Variants in GALNTL6 observed in about 807,000 individuals in gnomAD.
The protein encoded by GALNTL6 is polypeptide N-acetylgalactosaminyltransferase-like 6.
Under a neutral mutation model 73.7 loss-of-function variants are expected in GALNTL6, and 46 were observed. The ratio of observed to expected loss-of-function variants is 0.62; its 90% confidence interval spans 0.49 to 0.80. The LOEUF is 0.80. Ranked by LOEUF, GALNTL6 falls within the 30% of genes least tolerant of loss-of-function variation. The pLI, the probability that GALNTL6 is intolerant of heterozygous loss-of-function variation, is 0.00. For synonymous variants in GALNTL6, 259 were observed against 263.7 expected, an observed-to-expected ratio of 0.98 and a Z score of 0.17; for missense variants, 604 against 755.0, an observed-to-expected ratio of 0.80 and a Z score of 2.34.
At chr4:172,405,439 ATATATTTTTTTTTTT>A (rs1465569059) in intron 5 of GALNTL6, among the ~76,000 whole-genome samples, 4 of 2,140 alleles carry the variant, frequency 1.9e-3, no homozygotes, top group African/African-American at 2.9e-3. Flanking sequence ...ATATATATAT[ATATATTTTTTTTTTT>A]TTTTTTTTTT....
chr4:171,937,298 T>C (rs944760024), intron 2 of GALNTL6, among the ~76,000 whole-genome samples: 2 of 152,148 alleles, frequency 1.3e-5, no homozygotes, highest in Non-Finnish European at 2.9e-5. Flanking sequence ...GAGAATTACA[T>C]CTCAGAAATT....
chr4:172,934,324 T>C (rs541621717), intron 9 of GALNTL6, among the ~76,000 whole-genome samples: 4 of 152,094 alleles, frequency 2.6e-5, no homozygotes, highest in Non-Finnish European at 5.9e-5. Context: ...CTGACTAATA[T>C]TTCACCCAGC....
intron 2 of GALNTL6, among the ~76,000 whole-genome samples, chr4:172,199,381 A>G (rs1221587761): frequency 6.6e-6 from 1 of 152,250 alleles, no homozygotes; most frequent in Non-Finnish European, 1.5e-5. Context: ...GATCAAATAT[A>G]TAACATGATA....
intron 5 of GALNTL6, among the ~76,000 whole-genome samples, chr4:172,483,866 G>T (rs1046219944): frequency 3.9e-5 from 6 of 152,144 alleles, no homozygotes; most frequent in Non-Finnish European, 8.8e-5. Context: ...TAGAAAGGTG[G>T]ATGAAAATAA....
At chr4:171,827,842 G>C (rs1219640318) in intron 2 of GALNTL6, among the ~76,000 whole-genome samples, 1 of 151,834 alleles carries the variant, frequency 6.6e-6, no homozygotes, top group Non-Finnish European at 1.5e-5. Flanking sequence ...GAACTGCATA[G>C]GTACACTTAC....
intron 5 of GALNTL6, among the ~76,000 whole-genome samples, chr4:172,608,487 A>G (rs1738393177): frequency 6.6e-6 from 1 of 152,066 alleles, no homozygotes; most frequent in Non-Finnish European, 1.5e-5. Flanking sequence ...CCATTGGTCT[A>G]TATGTCTGTT....
chr4:171,845,825 T>A (rs1278924361), intron 2 of GALNTL6, among the ~76,000 whole-genome samples: 5 of 152,186 alleles, frequency 3.3e-5, no homozygotes, highest in Non-Finnish European at 5.9e-5. Flanking sequence ...TTGAGGTTTC[T>A]TTGTGACAAC....
At chr4:172,841,530 AAAG>A (rs1743205275) in intron 7 of GALNTL6, among the ~76,000 whole-genome samples, 1 of 152,222 alleles carries the variant, frequency 6.6e-6, no homozygotes, top group Admixed American at 6.5e-5. Flanking sequence ...TTTATAAAGA[AAAG>A]AAGTTTAATT....
chr4:172,705,984 C>A (rs1371442753), intron 5 of GALNTL6, among the ~76,000 whole-genome samples: 1 of 151,832 alleles, frequency 6.6e-6, no homozygotes, highest in Non-Finnish European at 1.5e-5. Flanking sequence ...TGATCTTTGA[C>A]CTTACTATAC....
At chr4:172,593,253 T>C (rs538648703) in intron 5 of GALNTL6, among the ~76,000 whole-genome samples, 3 of 152,208 alleles carry the variant, frequency 2.0e-5, no homozygotes, top group African/African-American at 4.8e-5. Context: ...TCCATAATCT[T>C]GTTTGTTACC....
At chr4:171,985,637 GT>G (rs1405015225) in intron 2 of GALNTL6, among the ~76,000 whole-genome samples, 1 of 152,018 alleles carries the variant, frequency 6.6e-6, no homozygotes, top group Non-Finnish European at 1.5e-5. Context: ...CCCACTACAT[GT>G]TTGAATTCCA....
intron 5 of GALNTL6, among the ~76,000 whole-genome samples, chr4:172,804,802 G>C (rs749735853): frequency 1.3e-5 from 2 of 152,158 alleles, no homozygotes; most frequent in African/African-American, 2.4e-5. Context: ...TCTGACATTA[G>C]TGGCAGTCTC....
At chr4:171,849,536 G>C (rs897049876) in intron 2 of GALNTL6, among the ~76,000 whole-genome samples, 1 of 151,908 alleles carries the variant, frequency 6.6e-6, no homozygotes, top group African/African-American at 2.4e-5. Context: ...TTTGAAAATA[G>C]AAATAAAGAA....
Position 172,529,178 on chromosome 4 carries a change from A to G in GALNTL6, c.553+180489A>G, listed in dbSNP as rs537651547. ...GTGCCTACTGGGTGATAATGTCTTGATTAAGGAAATAGAAAGTTAAATTAT... is the reference window on the plus strand; with the variant it reads ...GTGCCTACTGGGTGATAATGTCTTGGTTAAGGAAATAGAAAGTTAAATTAT... On this transcript the variant is annotated intron_variant, in intron 5 of 12. Transcript: ENST00000506823. Among the ~76,000 whole-genome samples, 398 of 151,368 alleles carry G rather than the reference A, an allele frequency of 2.6e-3. 4 individuals are homozygous for G. Among genetic ancestry groups the G allele is most frequent in the African/African-American group, 8.7e-3 (361 of 41,346 alleles).
chr4:172,314,197 GAC>G (rs2111150654), intron 4 of GALNTL6, among the ~76,000 whole-genome samples: 1 of 152,182 alleles, frequency 6.6e-6, no homozygotes, highest in East Asian at 1.9e-4. Flanking sequence ...TTTTTATATT[GAC>G]ACAATCTATA....
chr4:173,034,872 G>A (rs1470730405), intron 12 of GALNTL6, among the ~76,000 whole-genome samples: 1 of 152,154 alleles, frequency 6.6e-6, no homozygotes, highest in African/African-American at 2.4e-5. Context: ...CTCCAGGAGG[G>A]CAGGGATTTT....
intron 5 of GALNTL6, among the ~76,000 whole-genome samples, chr4:172,613,111 G>T (rs1268251535): frequency 6.6e-6 from 1 of 152,084 alleles, no homozygotes; most frequent in Non-Finnish European, 1.5e-5. Context: ...CAACTTAAAA[G>T]GTAGATAAGG....
chr4:172,872,229 A>AC (rs528081135), intron 7 of GALNTL6, among the ~76,000 whole-genome samples: 9 of 152,372 alleles, frequency 5.9e-5, no homozygotes, highest in African/African-American at 1.9e-4. Flanking sequence ...AATTTGCAGA[A>AC]CAGAAATAGG....
At chr4:172,919,102 C>T (rs1365248101) in intron 8 of GALNTL6, among the ~76,000 whole-genome samples, 1 of 152,132 alleles carries the variant, frequency 6.6e-6, no homozygotes, top group East Asian at 1.9e-4. Flanking sequence ...CCCTTGGCTC[C>T]TAGAAACCCA....
Sources: allele counts gnomAD v4.1 joint callset (sites outside exome capture counted in the v4.1 genomes callset), GRCh38; gene constraint gnomAD v4.1.1; transcripts MANE v1.5; gene names NCBI Gene and HGNC (gene_info 2026-07-23, HGNC 2026-07-21).